The following MGA variants were observed in gnomAD, a reference collection of about 807,000 sequenced individuals.
MGA encodes the protein MAX gene-associated protein.
In MGA, 40 loss-of-function variants were observed where a neutral mutation model predicts 261.1. The ratio of observed to expected loss-of-function variants is 0.15; its 90% CI spans 0.12 to 0.20. MGA has a LOEUF of 0.20. Among genes scored for constraint, MGA ranks in the 10% least tolerant of loss-of-function variants. The pLI, the probability that MGA is intolerant of heterozygous loss-of-function variation, is 1.00. For missense variants in MGA, 3,397 were observed against 3,630.5 expected (o/e 0.94, Z 1.65); for synonymous variants, 1,302 against 1,290.6 (o/e 1.01, Z -0.19).
At position 41,624,996 on chromosome 15, in the gene MGA, A is replaced by G. The variant is rs186998152; in HGVS notation, c.-68+3698A>G. Among the ~76,000 whole-genome samples, 330 of 152,182 alleles carry G rather than the reference A, an allele frequency of 2.2e-3. 1 individual carries two copies. The highest frequency in any genetic ancestry group is 3.6e-3 in the Non-Finnish European group (242 of 68,010). On this transcript the variant is annotated intron_variant, in intron 1 of 8. Coordinates refer to the MGA transcript ENST00000566718. ...ATCTGTACAAAAAAATTTCAGAATTAGCTTGGTGTGGTGGCACATCCCTGT... is the reference window on the plus strand; with the variant it reads ...ATCTGTACAAAAAAATTTCAGAATTGGCTTGGTGTGGTGGCACATCCCTGT...
At chr15:41,668,404 T>C (rs1239049633) in intron 1 of MGA, among the ~76,000 whole-genome samples, 1 of 152,176 alleles carries the variant, frequency 6.6e-6, no homozygotes, top group African/African-American at 2.4e-5. Flanking sequence ...TTTACTTATT[T>C]AATTTACTCA....
chr15:41,699,688 G>A (rs1566996370), intron 5 of MGA, among the ~76,000 whole-genome samples: 2 of 152,178 alleles, frequency 1.3e-5, no homozygotes. Context: ...ATTTTTAGTA[G>A]AGACGGTTTC....
intron 9 of MGA, among the ~76,000 whole-genome samples, chr15:41,716,432 C>T (rs577297657): frequency 1.3e-5 from 2 of 151,222 alleles, no homozygotes; most frequent in South Asian, 2.1e-4. Flanking sequence ...CCAGCCTGGG[C>T]GACAAAGCGA....
At chr15:41,631,614 GT>G (rs1394450453) in intron 1 of MGA, among the ~76,000 whole-genome samples, 1 of 152,066 alleles carries the variant, frequency 6.6e-6, no homozygotes, top group Admixed American at 6.5e-5. Context: ...TTTGCTATGT[GT>G]AGGTTCCTCC....
At chr15:41,665,411 G>A (rs188939172) in intron 1 of MGA, among the ~76,000 whole-genome samples, 101 of 151,410 alleles carry the variant, frequency 6.7e-4, no homozygotes, top group Non-Finnish European at 1.3e-3. Context: ...TTTTGAGACA[G>A]GGTCTCACTC....
At chr15:41,734,047 A>G (rs900272700) in intron 11 of MGA, among the ~76,000 whole-genome samples, 1 of 151,556 alleles carries the variant, frequency 6.6e-6, no homozygotes, top group African/African-American at 2.4e-5. Flanking sequence ...AACTGGGACT[A>G]TAGGTGTGTG....
In MGA at chr15:41,720,343, C is replaced by G. The variant is rs1023420440; in HGVS notation, c.3431-6837C>G. ...TTGAGCCCAGGAGTTCGAGACCTGC[C>G]TGAGCAACATAGCAATACTTCCATC... On this transcript the variant is annotated intron_variant, in intron 9 of 23. Coordinates refer to ENST00000219905, the MANE Select transcript of MGA (RefSeq NM_001164273.2). 2.6e-5 allele frequency among the ~76,000 whole-genome samples: 4 copies of G among 152,094 alleles called. No homozygotes were observed. In the South Asian group the frequency reaches 6.2e-4, roughly 24 times the overall value.
intron 7 of MGA, among the ~76,000 whole-genome samples, chr15:41,710,396 G>A (rs1043232048): frequency 6.6e-6 from 1 of 152,012 alleles, no homozygotes; most frequent in African/African-American, 2.4e-5. Flanking sequence ...TCTTTCTGAG[G>A]AGGGATAGTT....
chr15:41,627,029 C>A (rs1308766057), intron 1 of MGA, among the ~76,000 whole-genome samples: 6 of 152,078 alleles, frequency 3.9e-5, no homozygotes. Flanking sequence ...GTCTCAGCCA[C>A]CCAAGTAGCT....
chr15:41,657,609 G>A (rs2057233271), upstream of MGA, among the ~76,000 whole-genome samples: 1 of 151,560 alleles, frequency 6.6e-6, no homozygotes, highest in Non-Finnish European at 1.5e-5. Flanking sequence ...GCCTGCCTCG[G>A]ACTCCCAAAG....
intron 7 of MGA, among the ~76,000 whole-genome samples, chr15:41,709,806 T>C (rs929101249): frequency 8.0e-5 from 12 of 149,668 alleles, no homozygotes; most frequent in African/African-American, 2.7e-4. Flanking sequence ...TTTTTTCCCC[T>C]GTTATGTGTT....
At chr15:41,732,657 A>ACT (rs1242363241) in intron 11 of MGA, among the ~76,000 whole-genome samples, 1 of 152,132 alleles carries the variant, frequency 6.6e-6, no homozygotes, top group East Asian at 1.9e-4. Flanking sequence ...GTCTAGGGAG[A>ACT]CATTCTACAT....
Position 41,729,168 on chromosome 15 carries a change from G to T in MGA, c.3662G>T (p.Arg1221Leu). ...TTTGTTGTATGAAATTTACAGATTC[G>T]GGAAGAGGACAAAGATCCAGTCTAC... Residue 1221 changes from arginine to leucine, a missense_variant, in exon 11 of 24, where the codon CGG becomes CTG. By Grantham distance (102) the Arg-to-Leu change is moderately radical. Transcript: ENST00000219905. 8 of 1,613,034 alleles carry T rather than the reference G, an allele frequency of 5.0e-6. No individual in the cohort carries two copies. Among genetic ancestry groups the T allele is most frequent in the Non-Finnish European group, 6.8e-6 (8 of 1,179,536 alleles).
upstream of MGA, among the ~76,000 whole-genome samples, chr15:41,656,718 CTT>C (rs1216730903): frequency 8.6e-5 from 13 of 151,982 alleles, no homozygotes; most frequent in East Asian, 1.9e-4. Context: ...CCTCCCTTCT[CTT>C]AACATTTTCT....
Position 41,767,247 on chromosome 15 carries a change from C to T in MGA, c.9165C>T (p.Asn3055=), listed in dbSNP as rs763627350. The change falls in exon 24 of 24, where the codon AAC becomes AAT. Residue 3055 remains asparagine (N), a synonymous_variant. Transcript: ENST00000219905. ...CACCTGTTGTGGCTAAATTGGGCAA[C>T]TCGGGGGCCTCACCAAGTTCTGCAG... 6.2e-7 allele frequency: 1 copy of T among 1,612,788 alleles called. No homozygotes were observed. Among genetic ancestry groups the T allele is most frequent in the Non-Finnish European group, 8.5e-7 (1 of 1,179,042 alleles).
Position 41,769,924 on chromosome 15 carries a change from T to C in MGA, c.*2644T>C, listed in dbSNP as rs1298193424. ...AATATATAAACCTGAAATAAAGCAG[T>C]TAAAACAATTAAAGCAGAACTTGGT... On this transcript the variant is annotated 3_prime_UTR_variant, in exon 24 of 24. Coordinates refer to ENST00000219905, the MANE Select transcript of MGA (RefSeq NM_001164273.2). 1 of 152,542 alleles carries C rather than the reference T, an allele frequency of 6.6e-6. No homozygotes were observed. The highest frequency in any genetic ancestry group is 1.9e-4 in the East Asian group (1 of 5,202). The allele number at this position is 152,542 out of a possible 1,614,324, so 9.4% of individuals were successfully genotyped here. A position where few individuals can be genotyped will look rare whatever the true frequency, so the allele number is the denominator to read the frequency against.
At chr15:41,736,832 C>G in intron 13 of MGA, 134 bp downstream of exon 13, 1 of 1,058,258 alleles carries the variant, frequency 9.4e-7, no homozygotes, top group Non-Finnish European at 1.3e-6. Context: ...AAATTATTAT[C>G]TCTTTTTGTA....
intron 1 of MGA, among the ~76,000 whole-genome samples, chr15:41,648,048 C>G (rs1183980309): frequency 1.3e-5 from 2 of 152,174 alleles, no homozygotes; most frequent in Admixed American, 6.5e-5. Context: ...CCATTTTATT[C>G]TTATTCCTCT....
In MGA at chr15:41,715,237, C is replaced by T. The variant is rs535794975; in HGVS notation, c.3430+1741C>T. 5.3e-5 allele frequency among the ~76,000 whole-genome samples: 8 copies of T among 151,450 alleles called. No individual in the cohort carries two copies. The South Asian group carries it at 1.5e-3, about 28-fold the overall frequency. On this transcript the variant is annotated intron_variant, in intron 9 of 23. Transcript: ENST00000219905. The stretch of plus-strand genomic sequence containing the variant: ...CGATCTCGGCTCACTGCAACCTCCA[C>T]CTCTTGGGTTCAAGCAATTCTTCTG...
Sources: allele counts gnomAD v4.1 joint callset (sites outside exome capture counted in the v4.1 genomes callset), GRCh38; gene constraint gnomAD v4.1.1; transcripts MANE v1.5; gene names NCBI Gene and HGNC (gene_info 2026-07-23, HGNC 2026-07-21).